EYA4: variants seen among roughly 807,000 people sequenced by gnomAD.
EYA4 encodes the protein protein phosphatase EYA4.
A neutral mutation model predicts 87.9 loss-of-function variants in EYA4; 31 were observed. The observed-to-expected ratio is 0.35, with a 90% confidence interval of 0.27 to 0.48. EYA4 has a LOEUF of 0.48. Among genes scored for constraint, EYA4 ranks in the 20% least tolerant of loss-of-function variants. EYA4 has a pLI of 0.99. For missense variants in EYA4, 678 were observed against 761.4 expected, an observed-to-expected ratio of 0.89 and a Z score of 1.29; for synonymous variants, 263 against 270.6, an observed-to-expected ratio of 0.97 and a Z score of 0.28.
chr6:133,307,224 C>T, intron 2 of EYA4, among the ~76,000 whole-genome samples: 1 of 152,190 alleles, frequency 6.6e-6, no homozygotes, highest in East Asian at 1.9e-4. Flanking sequence ...TCTTAGCTCC[C>T]TGAGGTTTTG....
chr6:133,372,232 T>C (rs953955944), intron 2 of EYA4, among the ~76,000 whole-genome samples: 2 of 152,116 alleles, frequency 1.3e-5, no homozygotes, highest in African/African-American at 4.8e-5. Context: ...ATGTGTGAAA[T>C]GTTTCACATA....
chr6:133,467,487 T>C (rs1794952237), intron 10 of EYA4, among the ~76,000 whole-genome samples: 1 of 152,040 alleles, frequency 6.6e-6, no homozygotes, highest in South Asian at 2.1e-4. Flanking sequence ...CTGAGAGATA[T>C]TGGTAGGAAC....
Position 133,258,708 on chromosome 6 carries a change from C to G in EYA4, c.-65-16008C>G, listed in dbSNP as rs556702865. The stretch of plus-strand genomic sequence containing the variant: ...CTGCTTGTATGGCTCTCCATCTCTT[C>G]CCTTGGAAGAGTTCTTTCCCGGGGG... On this transcript the variant is annotated intron_variant, in intron 1 of 19. Coordinates refer to ENST00000355286, the MANE Select transcript of EYA4 (RefSeq NM_004100.5). Among the ~76,000 whole-genome samples, 44 of 152,184 alleles carry G rather than the reference C, an allele frequency of 2.9e-4. 1 individual carries two copies. The highest frequency in any genetic ancestry group is 1.0e-3 in the African/African-American group (43 of 41,528).
At chr6:133,372,779 G>A (rs1785372144) in intron 2 of EYA4, among the ~76,000 whole-genome samples, 2 of 151,374 alleles carry the variant, frequency 1.3e-5, no homozygotes, top group African/African-American at 4.8e-5. Flanking sequence ...TTAATCTACA[G>A]ATATATAGAG....
At chr6:133,327,699 ATTAGTGATGCTTTACC>A (rs936418004) in intron 2 of EYA4, among the ~76,000 whole-genome samples, 2 of 152,196 alleles carry the variant, frequency 1.3e-5, no homozygotes, top group Non-Finnish European at 2.9e-5. Flanking sequence ...TGTACAAGGG[ATTAGTGATGCTTTACC>A]TTTTATATCA....
chr6:133,531,107 G>A lies in EYA4; in HGVS notation c.*2302G>A, dbSNP rs41286208. 0.036 allele frequency: 52,984 copies of A among 1,491,392 alleles called. 1,092 individuals carry two copies. The highest frequency in any genetic ancestry group is 0.043 in the Non-Finnish European group (47,974 of 1,122,886). The allele number at this position is 1,491,392 out of a possible 1,614,324, so 92.4% of individuals were successfully genotyped here. On this transcript the variant is annotated 3_prime_UTR_variant, in exon 20 of 20. Coordinates refer to ENST00000355286, the MANE Select transcript of EYA4 (RefSeq NM_004100.5). ...GCTTTTTATGCTGCTAAGTCTGTGG[G>A]TGCAGAAAGAAACACCCCTTGGAAG...
At chr6:133,355,624 T>A (rs1022586649) in intron 2 of EYA4, among the ~76,000 whole-genome samples, 1 of 152,182 alleles carries the variant, frequency 6.6e-6, no homozygotes, top group Non-Finnish European at 1.5e-5. Flanking sequence ...TAAGCTTACT[T>A]GGGATGGCTT....
At chr6:133,411,730 A>G (rs1380936021) in intron 3 of EYA4, among the ~76,000 whole-genome samples, 1 of 152,144 alleles carries the variant, frequency 6.6e-6, no homozygotes, top group Non-Finnish European at 1.5e-5. Flanking sequence ...GTATGTAATC[A>G]TTTTCTTATT....
In EYA4 at chr6:133,528,829, AT is replaced by A. The variant is rs762378482; in HGVS notation, c.*30del. The A allele has an allele frequency of 6.2e-7, 1 of 1,612,444 alleles. No individual in the cohort carries two copies. The highest frequency in any genetic ancestry group is 8.5e-7 in the Non-Finnish European group (1 of 1,178,724). On this transcript the variant is annotated 3_prime_UTR_variant, in exon 20 of 20. Coordinates refer to ENST00000355286, the MANE Select transcript of EYA4 (RefSeq NM_004100.5). ...AACTGTGTTCTTTAGCCGGAGATCCATTTTTTATATTTCAAGTACACTGAAT... is the reference window on the plus strand; with the variant it reads ...AACTGTGTTCTTTAGCCGGAGATCCATTTTTATATTTCAAGTACACTGAAT...
At chr6:133,429,726 G>C (rs1217690902) in intron 3 of EYA4, among the ~76,000 whole-genome samples, 1 of 152,186 alleles carries the variant, frequency 6.6e-6, no homozygotes, top group East Asian at 1.9e-4. Flanking sequence ...AAGGGGCTTT[G>C]AGTGACCAGT....
At chr6:133,347,023 A>G (rs896508419) in intron 2 of EYA4, among the ~76,000 whole-genome samples, 5 of 152,238 alleles carry the variant, frequency 3.3e-5, no homozygotes, top group African/African-American at 1.2e-4. Flanking sequence ...AGAGTTTATC[A>G]GATAATTGCG....
At chr6:133,374,327 A>AT (rs1273730964) in intron 2 of EYA4, among the ~76,000 whole-genome samples, 1 of 151,884 alleles carries the variant, frequency 6.6e-6, no homozygotes, top group Non-Finnish European at 1.5e-5. Flanking sequence ...CTAGTGCATG[A>AT]TTTTGTCTAA....
intron 2 of EYA4, among the ~76,000 whole-genome samples, chr6:133,347,465 T>C (rs1783282693): frequency 6.6e-6 from 1 of 152,176 alleles, no homozygotes; most frequent in Non-Finnish European, 1.5e-5. Flanking sequence ...ACAGTGGTAA[T>C]GTACATTTAA....
chr6:133,407,337 T>A (rs1272954560), intron 3 of EYA4, among the ~76,000 whole-genome samples: 1 of 151,276 alleles, frequency 6.6e-6, no homozygotes, highest in Non-Finnish European at 1.5e-5. Context: ...GAATTTGTAG[T>A]GTTTCTTAAA....
chr6:133,496,263 A>G (rs1797639949), intron 13 of EYA4, among the ~76,000 whole-genome samples: 1 of 152,162 alleles, frequency 6.6e-6, no homozygotes, highest in Non-Finnish European at 1.5e-5. Flanking sequence ...TAAAATTATT[A>G]TGGGTCCTTA....
intron 1 of EYA4, among the ~76,000 whole-genome samples, chr6:133,262,716 A>G (rs1257339450): frequency 6.6e-6 from 1 of 152,260 alleles, no homozygotes; most frequent in Admixed American, 6.5e-5. Flanking sequence ...TTTTAGCATG[A>G]GAAGTATGAA....
intron 3 of EYA4, among the ~76,000 whole-genome samples, chr6:133,406,056 T>C (rs1418033605): frequency 6.6e-6 from 1 of 152,220 alleles, no homozygotes; most frequent in Middle Eastern, 3.2e-3. Context: ...CTTCTATCTA[T>C]CTATTTAGTA....
intron 2 of EYA4, among the ~76,000 whole-genome samples, chr6:133,299,410 A>C (rs1188682233): frequency 6.6e-6 from 1 of 152,014 alleles, no homozygotes; most frequent in Non-Finnish European, 1.5e-5. Context: ...CAGTATTTTC[A>C]CCATTGAGAT....
intron 2 of EYA4, among the ~76,000 whole-genome samples, chr6:133,376,601 G>C (rs1303342026): frequency 6.6e-6 from 1 of 151,748 alleles, no homozygotes; most frequent in Admixed American, 6.6e-5. Flanking sequence ...TATAATAAAA[G>C]AACCTTGCTC....
Sources: gnomAD v4.1 joint callset for allele counts (sites outside exome capture counted in the v4.1 genomes callset) on GRCh38, gnomAD v4.1.1 for gene constraint, MANE v1.5 for transcripts, NCBI Gene and HGNC (gene_info 2026-07-23, HGNC 2026-07-21) for gene names.